The following CRACR2A variants were observed in gnomAD, a reference collection of about 807,000 sequenced individuals.
CRACR2A encodes calcium release activated channel regulator 2A.
CRACR2A carries 79 observed loss-of-function variants against 90.5 expected under a neutral mutation model. The observed-to-expected ratio is 0.87, with a 90% CI of 0.73 to 1.05. The LOEUF is 1.05. Ranked by LOEUF, CRACR2A falls within the 50% of genes least tolerant of loss-of-function variation. The pLI is 0.00. For missense variants in CRACR2A, 823 were observed against 897.2 expected (o/e 0.92, Z 1.06); for synonymous variants, 338 against 356.7 (o/e 0.95, Z 0.59).
intron 4 of CRACR2A, among the ~76,000 whole-genome samples, chr12:3,682,105 A>G (rs1445040097): frequency 6.6e-6 from 1 of 152,218 alleles, no homozygotes; most frequent in Non-Finnish European, 1.5e-5. Flanking sequence ...TATTAGCATC[A>G]TTGGAAATAA....
intron 4 of CRACR2A, among the ~76,000 whole-genome samples, chr12:3,690,958 A>G (rs1415106985): frequency 6.6e-6 from 1 of 152,140 alleles, no homozygotes; most frequent in Non-Finnish European, 1.5e-5. Context: ...TTTGTCTGAA[A>G]TCAGGATTGC....
At chr12:3,627,375 C>G in intron 17 of CRACR2A, 61 bp downstream of exon 17, 2 of 1,288,108 alleles carry the variant, frequency 1.6e-6, no homozygotes, top group Non-Finnish European at 2.2e-6. Flanking sequence ...GGGAGATGGA[C>G]AGAGAAGAAA....
chr12:3,627,002 C>T (rs113971199), intron 17 of CRACR2A, among the ~76,000 whole-genome samples: 5 of 152,236 alleles, frequency 3.3e-5, no homozygotes, highest in African/African-American at 1.2e-4. Flanking sequence ...ATAGCTGGGC[C>T]TACTGGAGCT....
chr12:3,662,028 G>A (rs1945048158), intron 7 of CRACR2A, among the ~76,000 whole-genome samples: 1 of 152,142 alleles, frequency 6.6e-6, no homozygotes, highest in Admixed American at 6.5e-5. Context: ...GCTGGTATGT[G>A]AATTAAGTTA....
chr12:3,708,470 G>A (rs868664331), intron 3 of CRACR2A, among the ~76,000 whole-genome samples: 1 of 152,224 alleles, frequency 6.6e-6, no homozygotes, highest in Middle Eastern at 3.4e-3. Context: ...AGTCGCCCAG[G>A]CTGGAGTGCA....
At chr12:3,679,191 T>C in intron 5 of CRACR2A, 93 bp from the exon 6 acceptor site, 1 of 1,279,794 alleles carries the variant, frequency 7.8e-7, no homozygotes, top group Non-Finnish European at 1.1e-6. Context: ...TGAAGGTTCA[T>C]CTGAGAGAAG....
At chr12:3,635,910 T>C (rs1316868220) in intron 14 of CRACR2A, among the ~76,000 whole-genome samples, 1 of 152,244 alleles carries the variant, frequency 6.6e-6, no homozygotes, top group African/African-American at 2.4e-5. Flanking sequence ...TTGTTTTATT[T>C]ACAGAAATTT....
chr12:3,617,401 C>T (rs1363119363), intron 18 of CRACR2A, among the ~76,000 whole-genome samples: 1 of 152,226 alleles, frequency 6.6e-6, no homozygotes, highest in Non-Finnish European at 1.5e-5. Flanking sequence ...TATTCTTCCC[C>T]CTTTCACAGG....
At chr12:3,624,990 T>C (rs1400594928) in intron 17 of CRACR2A, among the ~76,000 whole-genome samples, 2 of 152,110 alleles carry the variant, frequency 1.3e-5, no homozygotes, top group East Asian at 3.8e-4. Context: ...CCCTGGCCCC[T>C]GGCCTCTGTT....
At chr12:3,705,724 T>C (rs1424987033) in intron 3 of CRACR2A, among the ~76,000 whole-genome samples, 1 of 152,202 alleles carries the variant, frequency 6.6e-6, no homozygotes, top group Non-Finnish European at 1.5e-5. Context: ...GGGATTAGTA[T>C]CTGATGTGAG....
chr12:3,750,384 CAA>C (rs1029026877), intron 1 of CRACR2A, among the ~76,000 whole-genome samples: 3 of 152,152 alleles, frequency 2.0e-5, no homozygotes, highest in African/African-American at 7.2e-5. Flanking sequence ...CATGATTTCG[CAA>C]AGACTCAGTT....
chr12:3,623,565 C>T (rs913742197), intron 17 of CRACR2A, among the ~76,000 whole-genome samples: 21 of 152,170 alleles, frequency 1.4e-4, no homozygotes, highest in African/African-American at 4.3e-4. Flanking sequence ...CATGGCCACA[C>T]GTGGGGCCTT....
intron 5 of CRACR2A, 40 bp from the exon 6 acceptor site, chr12:3,679,138 C>G (rs1249817789): frequency 1.6e-5 from 25 of 1,545,704 alleles, no homozygotes; most frequent in Non-Finnish European, 2.1e-5. Context: ...TTAGACCATA[C>G]CCATCCAGGA....
chr12:3,739,047 C>T (rs938159653), intron 1 of CRACR2A, among the ~76,000 whole-genome samples: 206 of 151,370 alleles, frequency 1.4e-3, no homozygotes, highest in African/African-American at 4.7e-3. Context: ...AAAAAAAAAC[C>T]TGGGAGTTGG....
At chr12:3,628,427 GA>G (rs1328820523) in intron 15 of CRACR2A, among the ~76,000 whole-genome samples, 2 of 152,070 alleles carry the variant, frequency 1.3e-5, no homozygotes, top group Non-Finnish European at 2.9e-5. Context: ...AGGGGTAAGA[GA>G]AAAAATCACA....
At chr12:3,643,883 TATTA>T (rs2137397729) in intron 12 of CRACR2A, among the ~76,000 whole-genome samples, 1 of 42,832 alleles carries the variant, frequency 2.3e-5, no homozygotes, top group South Asian at 1.3e-3. Flanking sequence ...TATATATTTA[TATTA>T]ATATATAATA....
chr12:3,656,282 G>A, intron 9 of CRACR2A, 29 bp downstream of exon 9: 2 of 1,606,240 alleles, frequency 1.2e-6, no homozygotes, highest in South Asian at 2.2e-5. Flanking sequence ...GAAGAGCCAG[G>A]TACTCTGGGG....
rs557648607 is a variant in CRACR2A, at chr12:3,621,648, C to CAAA, written c.1933-2279_1933-2277dup. ...CCTCAGTGACAGAGAGAGACTCTGT[C>CAAA]AAAAAAAAAAAAAAAAAAAAAAAAA... On this transcript the variant is annotated intron_variant, in intron 17 of 19. Transcript: ENST00000440314. 3.0e-3 allele frequency among the ~76,000 whole-genome samples: 44 copies of CAAA among 14,580 alleles called. 6 individuals are homozygous for CAAA. The highest frequency in any genetic ancestry group is 6.0e-3 in the East Asian group (2 of 334). 9.6% of individuals were successfully genotyped at this position (14,580 alleles called of 152,430 possible).
chr12:3,670,090 A>C (rs914000610), intron 7 of CRACR2A, among the ~76,000 whole-genome samples: 1 of 152,080 alleles, frequency 6.6e-6, no homozygotes, highest in African/African-American at 2.4e-5. Flanking sequence ...CCTCAAGGAG[A>C]GGGACTCTAT....
Sources: gnomAD v4.1 joint callset for allele counts (sites outside exome capture counted in the v4.1 genomes callset) on GRCh38, gnomAD v4.1.1 for gene constraint, MANE v1.5 for transcripts, NCBI Gene and HGNC (gene_info 2026-07-23, HGNC 2026-07-21) for gene names.